Variants in STK3 observed in about 807,000 individuals in gnomAD.
STK3 encodes serine/threonine kinase 3.
In STK3, 41 loss-of-function variants were observed where a neutral mutation model predicts 58.0. The observed-to-expected ratio is 0.71, with a 90% CI of 0.55 to 0.92. STK3 has a LOEUF of 0.92. Ranked by LOEUF, STK3 falls within the 40% of genes least tolerant of loss-of-function variation. The pLI is 0.00. For synonymous variants in STK3, 170 were observed against 191.0 expected (o/e 0.89, Z 0.91); for missense variants, 479 against 602.7 (o/e 0.79, Z 2.15).
At chr8:98,620,372 C>G (rs1455076115) in intron 6 of STK3, among the ~76,000 whole-genome samples, 1 of 139,496 alleles carries the variant, frequency 7.2e-6, no homozygotes, top group African/African-American at 2.7e-5. Flanking sequence ...TGCTAGATGA[C>G]GAGTTAGTGG....
chr8:98,743,889 G>GAAA (rs911874865), intron 4 of STK3, among the ~76,000 whole-genome samples: 5 of 151,830 alleles, frequency 3.3e-5, no homozygotes, highest in Admixed American at 1.3e-4. Context: ...AAATTTACAA[G>GAAA]AAAAAAACAA....
intron 1 of STK3, among the ~76,000 whole-genome samples, chr8:98,820,719 T>C (rs1244869877): frequency 6.6e-6 from 1 of 152,232 alleles, no homozygotes; most frequent in Non-Finnish European, 1.5e-5. Context: ...AACTCAAGCC[T>C]GTAATCCCAG....
Position 98,741,123 on chromosome 8 carries a change from T to C in STK3, c.351+8153A>G, listed in dbSNP as rs1343706776. Among the ~76,000 whole-genome samples the C allele has an allele frequency of 2.6e-5, 4 of 152,142 alleles. No individual in the cohort carries two copies. The East Asian group carries it at 7.7e-4, about 29-fold the overall frequency. On this transcript the variant is annotated intron_variant, in intron 4 of 10. Transcript: ENST00000419617. The stretch of plus-strand genomic sequence containing the variant: ...GTCCTGACTGACCTACATAGAGACT[T>C]AGACTCCCACACAATAATAATGGGA...
chr8:98,435,605 C>T (rs900524515), intron 2 of STK3, among the ~76,000 whole-genome samples: 105 of 151,858 alleles, frequency 6.9e-4, no homozygotes, highest in African/African-American at 2.3e-3. Context: ...GACGGGGAGG[C>T]GGCTCTGCAG....
Position 98,455,884 on chromosome 8 carries a change from C to T in STK3, c.1434G>A (p.Leu478=). The T allele has an allele frequency of 6.2e-7, 1 of 1,613,748 alleles. No homozygotes were observed. The highest frequency in any genetic ancestry group is 8.5e-7 in the Non-Finnish European group (1 of 1,179,816). ...QRYTAKRQPI[L]DAMDAKKRRQ... ...TTCTTTTCTTTGCATCCATCGCATCCAGAATGGGCTGTCTTTTCGCAGTGT... is the reference window on the plus strand; with the variant it reads ...TTCTTTTCTTTGCATCCATCGCATCTAGAATGGGCTGTCTTTTCGCAGTGT... Residue 478 remains leucine, a synonymous_variant, in exon 11 of 11, where the codon CTG becomes CTA. Transcript: ENST00000419617.
chr8:98,783,534 T>C (rs1375659730), intron 1 of STK3, among the ~76,000 whole-genome samples: 3 of 152,242 alleles, frequency 2.0e-5, no homozygotes, highest in African/African-American at 7.2e-5. Context: ...TCTATGTTGA[T>C]AGCTTCTGCC....
intron 6 of STK3, among the ~76,000 whole-genome samples, chr8:98,659,610 T>A (rs569653094): frequency 1.3e-5 from 2 of 151,998 alleles, no homozygotes; most frequent in South Asian, 4.1e-4. Context: ...TTTGAACCGA[T>A]GCAGTGTAGA....
chr8:98,839,057 G>T (rs545844484), intron 3 of STK3, among the ~76,000 whole-genome samples: 25 of 151,366 alleles, frequency 1.7e-4, no homozygotes, highest in Middle Eastern at 3.2e-3. Flanking sequence ...TTTGGGGGGG[G>T]GCGGTTTGAG....
At chr8:98,931,531 A>C (rs1034155171) in intron 1 of STK3, among the ~76,000 whole-genome samples, 3 of 152,234 alleles carry the variant, frequency 2.0e-5, no homozygotes, top group African/African-American at 7.2e-5. Flanking sequence ...AATAATGTCC[A>C]AGCCTCTGCT....
intron 1 of STK3, among the ~76,000 whole-genome samples, chr8:98,788,270 T>G (rs1003094804): frequency 6.6e-6 from 1 of 151,836 alleles, no homozygotes; most frequent in African/African-American, 2.4e-5. Context: ...AAACCCTGTT[T>G]CTACTAAAAA....
chr8:98,568,681 C>T (rs1043505766), intron 8 of STK3, among the ~76,000 whole-genome samples: 3 of 151,658 alleles, frequency 2.0e-5, no homozygotes, highest in Non-Finnish European at 2.9e-5. Context: ...GAAATAATAA[C>T]GTAGAAGAGA....
chr8:98,487,775 T>TAAGAGTGCCC (rs1425427425), intron 10 of STK3, among the ~76,000 whole-genome samples: 1 of 152,150 alleles, frequency 6.6e-6, no homozygotes, highest in African/African-American at 2.4e-5. Context: ...CGTCCCCCAC[T>TAAGAGTGCCC]CTAGTAGGCA....
intron 1 of STK3, among the ~76,000 whole-genome samples, chr8:98,906,958 A>G (rs2131969668): frequency 6.6e-6 from 1 of 151,242 alleles, no homozygotes; most frequent in South Asian, 2.1e-4. Context: ...GACCAGCCTG[A>G]GCAACATAGG....
chr8:98,743,633 T>G (rs970920197), intron 4 of STK3, among the ~76,000 whole-genome samples: 2 of 152,146 alleles, frequency 1.3e-5, no homozygotes, highest in South Asian at 2.1e-4. Flanking sequence ...ATAACAACCC[T>G]AGAAGAAAAC....
chr8:98,400,072 A>G (rs1817928411), downstream of STK3, among the ~76,000 whole-genome samples: 1 of 152,292 alleles, frequency 6.6e-6, no homozygotes, highest in South Asian at 2.1e-4. Context: ...GCTGCTTTCC[A>G]ACCCAAATGA....
intron 1 of STK3, among the ~76,000 whole-genome samples, chr8:98,381,998 T>TC (rs1223769991): frequency 1.3e-5 from 2 of 152,226 alleles, no homozygotes; most frequent in East Asian, 3.9e-4. Flanking sequence ...TTTTGTCACC[T>TC]CCCCCCACTT....
At chr8:98,924,952 G>T (rs912226355) in intron 1 of STK3, among the ~76,000 whole-genome samples, 1 of 151,890 alleles carries the variant, frequency 6.6e-6, no homozygotes, top group African/African-American at 2.4e-5. Flanking sequence ...AGAAGGGAGA[G>T]GACAAAATCC....
chr8:98,624,940 T>C (rs1676190672), intron 6 of STK3, among the ~76,000 whole-genome samples: 1 of 152,022 alleles, frequency 6.6e-6, no homozygotes, highest in African/African-American at 2.4e-5. Flanking sequence ...CTGAGGATAC[T>C]GACAAGCTGG....
At chr8:98,774,493 C>T (rs1227664490) in intron 2 of STK3, among the ~76,000 whole-genome samples, 4 of 152,136 alleles carry the variant, frequency 2.6e-5, no homozygotes. Flanking sequence ...AACTCTTAAA[C>T]ATCATTTCAC....
Sources: gnomAD v4.1 joint callset for allele counts (sites outside exome capture counted in the v4.1 genomes callset) on GRCh38, gnomAD v4.1.1 for gene constraint, MANE v1.5 for transcripts, NCBI Gene and HGNC (gene_info 2026-07-23, HGNC 2026-07-21) for gene names.